The following NPC1 variants were observed in gnomAD, a reference collection of about 807,000 sequenced individuals.
NPC1 encodes NPC intracellular cholesterol transporter 1.
NPC1 carries 85 observed loss-of-function variants against 140.4 expected under a neutral mutation model. The observed-to-expected ratio is 0.61, with a 90% confidence interval of 0.51 to 0.72. The LOEUF is 0.72. Among genes scored for constraint, NPC1 ranks in the 30% least tolerant of loss-of-function variants. NPC1 has a pLI of 0.00. For missense variants in NPC1, 1,504 were observed against 1,623.8 expected, an observed-to-expected ratio of 0.93 and a Z score of 1.27; for synonymous variants, 656 against 624.8, an observed-to-expected ratio of 1.05 and a Z score of -0.74.
intron 3 of NPC1, chr18:23,515,730 A>C: frequency 2.8e-6 from 3 of 1,063,906 alleles, no homozygotes; most frequent in South Asian, 1.4e-5. Context: ...ATGGGGTTTT[A>C]CCATTTTGTC....
intron 4 of NPC1, among the ~76,000 whole-genome samples, chr18:23,563,080 T>C (rs1197094770): frequency 6.6e-6 from 1 of 152,236 alleles, no homozygotes; most frequent in Non-Finnish European, 1.5e-5. Flanking sequence ...ACTGTCTCTA[T>C]TTATCTGACT....
At chr18:23,508,085 T>C (rs2057758327) in intron 3 of NPC1, 6 of 1,569,572 alleles carry the variant, frequency 3.8e-6, no homozygotes, top group Non-Finnish European at 5.2e-6. Flanking sequence ...TCAGTGGTGT[T>C]GAGCTGGGTT....
At chr18:23,585,575 TAA>T (rs1041531558) in intron 1 of NPC1, among the ~76,000 whole-genome samples, 2 of 152,146 alleles carry the variant, frequency 1.3e-5, no homozygotes, top group African/African-American at 4.8e-5. Context: ...ACTCCAGTTT[TAA>T]AAGAGGAAAC....
chr18:23,560,498 G>C lies in NPC1; in HGVS notation c.632-18C>G. 6.2e-7 allele frequency: 1 copy of C among 1,613,666 alleles called. No homozygotes were observed. The highest frequency in any genetic ancestry group is 8.5e-7 in the Non-Finnish European group (1 of 1,179,898). The stretch of plus-strand genomic sequence containing the variant: ...TGGAAAATCTACAGAAAGGAATTGT[G>C]TTGAGTACAAATCTCAATTAAAAAC... On this transcript the variant is annotated intron_variant, in intron 5 of 24. Coordinates refer to ENST00000269228, the MANE Select transcript of NPC1 (RefSeq NM_000271.5).
At position 23,557,316 on chromosome 18, in the gene NPC1, C is replaced by G. The variant is rs2058968911; in HGVS notation, c.882-126G>C. The G allele has an allele frequency of 5.5e-6, 4 of 727,262 alleles. No homozygotes were observed. In the Admixed American group the frequency reaches 8.0e-5, roughly 15 times the overall value. 45.1% of individuals were successfully genotyped at this position (727,262 alleles called of 1,614,324 possible). A position where few individuals can be genotyped will look rare whatever the true frequency, so the allele number is the denominator to read the frequency against. On this transcript the variant is annotated intron_variant, in intron 6 of 24. Coordinates refer to ENST00000269228, the MANE Select transcript of NPC1 (RefSeq NM_000271.5). Reference sequence around the variant, plus strand: ...CTGGCCTCCTCCTCCCTAATTACTGCCTTCTTTCCCCTAAGTCCCCTTGCT... The same window carrying G: ...CTGGCCTCCTCCTCCCTAATTACTGGCTTCTTTCCCCTAAGTCCCCTTGCT...
intron 12 of NPC1, 133 bp downstream of exon 12, chr18:23,544,827 C>A (rs2058760784): frequency 2.7e-6 from 2 of 753,302 alleles, no homozygotes; most frequent in Non-Finnish European, 4.5e-6. Context: ...AGAAACGTTA[C>A]ATACAATTAA....
rs1220434877 is a variant in NPC1, at chr18:23,586,484, G to C, written c.-141C>G. On this transcript the variant is annotated 5_prime_UTR_variant, in exon 1 of 25. Coordinates refer to ENST00000269228, the MANE Select transcript of NPC1 (RefSeq NM_000271.5). ...GGAGCAGGCGCTGACCGCGGCAGCA[G>C]GCTGCGCGCGCCGGTCAGGAAGGAA... 3.0e-5 allele frequency: 43 copies of C among 1,427,738 alleles called. No individual in the cohort carries two copies. The highest frequency in any genetic ancestry group is 3.7e-5 in the Non-Finnish European group (41 of 1,099,050). The allele number at this position is 1,427,738 out of a possible 1,614,324, so 88.4% of individuals were successfully genotyped here.
downstream of NPC1, chr18:23,529,868 T>G: frequency 9.7e-7 from 1 of 1,034,658 alleles, no homozygotes; most frequent in South Asian, 1.5e-5. Context: ...GAATGGGAAG[T>G]GTAAGGTCAA....
At chr18:23,574,044 C>T (rs1300876973) in intron 1 of NPC1, among the ~76,000 whole-genome samples, 3 of 152,140 alleles carry the variant, frequency 2.0e-5, no homozygotes, top group Admixed American at 2.0e-4. Context: ...AACATCAACA[C>T]CCCAATGTAA....
chr18:23,532,051 G>C lies in NPC1; in HGVS notation c.*151C>G. 6.3e-7 allele frequency: 1 copy of C among 1,584,380 alleles called. No homozygotes were observed. Among genetic ancestry groups the C allele is most frequent in the Non-Finnish European group, 8.6e-7 (1 of 1,166,758 alleles). On this transcript the variant is annotated 3_prime_UTR_variant, in exon 25 of 25. Transcript: ENST00000269228. Reference sequence around the variant, plus strand: ...CTTCCCAAGTCAACTGTGCATTCCTGAGTTCACAGGCGCTACGTTCAAAGC... The same window carrying C: ...CTTCCCAAGTCAACTGTGCATTCCTCAGTTCACAGGCGCTACGTTCAAAGC...
chr18:23,582,295 CAG>C (rs1342759561), intron 1 of NPC1, among the ~76,000 whole-genome samples: 1 of 152,124 alleles, frequency 6.6e-6, no homozygotes, highest in African/African-American at 2.4e-5. Flanking sequence ...ACACCTGCAC[CAG>C]AGAGAGTTGG....
downstream of NPC1, chr18:23,518,917 G>A: frequency 6.2e-7 from 1 of 1,614,118 alleles, no homozygotes; most frequent in Non-Finnish European, 8.5e-7. Context: ...TTCTCTTCTT[G>A]AGGCATCATT....
At chr18:23,519,619 C>T (rs1652342), downstream of NPC1, among the ~76,000 whole-genome samples, 113,982 of 152,178 alleles carry the variant, frequency 0.75, 43,813 homozygotes, top group East Asian at 0.92. Flanking sequence ...TTGGTAGTCT[C>T]AAGTAGTTTA....
In NPC1 at chr18:23,586,410, T is replaced by C; in HGVS notation, c.-67A>G. 1 of 1,527,602 alleles carries C rather than the reference T, an allele frequency of 6.5e-7. No individual in the cohort carries two copies. The highest frequency in any genetic ancestry group is 2.5e-5 in the East Asian group (1 of 40,188). 94.6% of individuals were successfully genotyped at this position (1,527,602 alleles called of 1,614,324 possible). On this transcript the variant is annotated 5_prime_UTR_variant, in exon 1 of 25. Coordinates refer to ENST00000269228, the MANE Select transcript of NPC1 (RefSeq NM_000271.5). ...TGGTTGGGCTCCCCGGAGGCGGCTC[T>C]ACTTCCCCGGGCTGTTTCAGCACCC...
chr18:23,567,861 A>G (rs1195461430), intron 4 of NPC1, among the ~76,000 whole-genome samples: 1 of 152,206 alleles, frequency 6.6e-6, no homozygotes, highest in African/African-American at 2.4e-5. Flanking sequence ...AAATTGACCA[A>G]CTTTTTAATT....
downstream of NPC1, chr18:23,518,847 T>C (rs979722723): frequency 1.9e-6 from 3 of 1,577,124 alleles, no homozygotes; most frequent in Admixed American, 1.7e-5. Flanking sequence ...AAAGGAATTT[T>C]GAATGGCCAG....
At chr18:23,568,786 C>A (rs1370261759) in intron 4 of NPC1, 37 bp downstream of exon 4, 1 of 1,549,184 alleles carries the variant, frequency 6.5e-7, no homozygotes, top group African/African-American at 1.4e-5. Context: ...TGTCCTGATG[C>A]CAGCTGTAAA....
intron 6 of NPC1, 37 bp downstream of exon 6, chr18:23,560,194 G>T (rs142700149): frequency 1.2e-6 from 2 of 1,613,286 alleles, no homozygotes; most frequent in African/African-American, 1.3e-5. Context: ...GGGCAATTTT[G>T]CTCTTTTTGC....
intron 10 of NPC1, among the ~76,000 whole-genome samples, chr18:23,549,452 AC>A (rs1238870097): frequency 6.6e-6 from 1 of 152,138 alleles, no homozygotes; most frequent in Non-Finnish European, 1.5e-5. Flanking sequence ...AGTCTGGGCA[AC>A]AAGGCAAAAC....
Sources: gnomAD v4.1 joint callset for allele counts (sites outside exome capture counted in the v4.1 genomes callset) on GRCh38, gnomAD v4.1.1 for gene constraint, MANE v1.5 for transcripts, NCBI Gene and HGNC (gene_info 2026-07-23, HGNC 2026-07-21) for gene names.